The following XDH variants were observed in gnomAD, a reference collection of about 807,000 sequenced individuals.
XDH encodes the protein xanthine dehydrogenase.
A neutral mutation model predicts 156.1 loss-of-function variants in XDH; 138 were observed. The ratio of observed to expected loss-of-function variants is 0.88; its 90% confidence interval spans 0.77 to 1.02. The LOEUF (loss-of-function observed/expected upper bound fraction) is 1.02. Among genes scored for constraint, XDH ranks in the 50% least tolerant of loss-of-function variants. XDH has a pLI of 0.00. For synonymous variants in XDH, 669 were observed against 625.7 expected (o/e 1.07, Z -1.03); for missense variants, 1,849 against 1,684.9 (o/e 1.10, Z -1.71).
At chr2:31,405,094 T>C (rs1687159713) in intron 2 of XDH, among the ~76,000 whole-genome samples, 1 of 152,162 alleles carries the variant, frequency 6.6e-6, no homozygotes, top group Non-Finnish European at 1.5e-5. Flanking sequence ...TCCATCACTA[T>C]TTCCCCAGAA....
chr2:31,405,817 C>T (rs979558453), intron 2 of XDH, 90 bp downstream of exon 2: 13 of 1,498,880 alleles, frequency 8.7e-6, no homozygotes, highest in Non-Finnish European at 1.0e-5. Context: ...TCAAGGCCAC[C>T]CCACCAGTCA....
intron 13 of XDH, among the ~76,000 whole-genome samples, chr2:31,378,287 A>C (rs1686332565): frequency 1.3e-5 from 2 of 152,092 alleles, no homozygotes. Context: ...CCTGGGTTCG[A>C]GCCAGGATCT....
chr2:31,343,487 A>G (rs916181898), intron 31 of XDH, among the ~76,000 whole-genome samples: 3 of 128,324 alleles, frequency 2.3e-5, no homozygotes, highest in African/African-American at 9.4e-5. Context: ...ATACATATAT[A>G]TGCCTTATAT....
intron 31 of XDH, among the ~76,000 whole-genome samples, chr2:31,343,320 A>ATATATATGCATGTTTATATATATG (rs1685183751): frequency 1.7e-5 from 2 of 117,066 alleles, no homozygotes; most frequent in African/African-American, 5.8e-5. Flanking sequence ...ATATATATAT[A>ATATATATGCATGTTTATATATATG]TATATATGCA....
chr2:31,398,537 C>G (rs1396928272), intron 5 of XDH, 36 bp downstream of exon 5: 1 of 1,613,062 alleles, frequency 6.2e-7, no homozygotes, highest in Non-Finnish European at 8.5e-7. Context: ...CCTCGTTTGC[C>G]ATTCCACCTC....
chr2:31,380,819 G>T (rs1686417459), intron 12 of XDH, among the ~76,000 whole-genome samples: 1 of 152,168 alleles, frequency 6.6e-6, no homozygotes, highest in Admixed American at 6.5e-5. Context: ...TGACAAGGCA[G>T]AGATGCACTG....
At position 31,387,897 on chromosome 2, in the gene XDH, C is replaced by G. The variant is rs1364373668; in HGVS notation, c.565G>C (p.Val189Leu). ...CCMNQKKDHS[V>L]SLSPSLFKPE... is the part of the protein sequence containing the mutation. ...TTGAATAAAGATGGCGAGAGGCTGA[C>G]CTATGGGGAAAGAGAACAGGTAGGT... The change falls in exon 8 of 36, where the codon GTC becomes CTC. Residue 189 changes from valine to leucine, a missense_variant and splice_region_variant. Physicochemically the swap from Val to Leu is conservative, Grantham distance 32 (BLOSUM62 1). Coordinates refer to ENST00000379416, the MANE Select transcript of XDH (RefSeq NM_000379.4). 6.3e-7 allele frequency: 1 copy of G among 1,577,406 alleles called. No individual in the cohort carries two copies. Among genetic ancestry groups the G allele is most frequent in the Non-Finnish European group, 8.6e-7 (1 of 1,161,634 alleles).
At position 31,334,705 on chromosome 2, in the gene XDH, C is replaced by G. The variant is rs1430336804; in HGVS notation, c.*1253G>C. On this transcript the variant is annotated 3_prime_UTR_variant, in exon 36 of 36. Coordinates refer to ENST00000379416, the MANE Select transcript of XDH (RefSeq NM_000379.4). ...TTTAAAGCAGAAGACGTGAGACAACCCTTTACTGCAACCCTTATGTTTGCA... is the reference window on the plus strand; with the variant it reads ...TTTAAAGCAGAAGACGTGAGACAACGCTTTACTGCAACCCTTATGTTTGCA... The G allele has an allele frequency of 1.3e-5, 2 of 152,042 alleles. No homozygotes were observed. Among genetic ancestry groups the G allele is most frequent in the Non-Finnish European group, 2.9e-5 (2 of 68,016 alleles). The allele number at this position is 152,042 out of a possible 1,614,324, so 9.4% of individuals were successfully genotyped here.
rs1411212380 is a variant in XDH, at chr2:31,383,048, G to A, written c.991C>T (p.Leu331=). The change falls in exon 11 of 36, where the codon CTG becomes TTG. Residue 331 remains leucine (L), a synonymous_variant. Transcript: ENST00000379416. Reference sequence around the variant, plus strand: ...CCAGCAAACCAGCGCAGCTGCTCCAGGACCCCTCTGAACACCTCTGTCTTT... The same window carrying A: ...CCAGCAAACCAGCGCAGCTGCTCCAAGACCCCTCTGAACACCTCTGTCTTT... The part of the protein sequence containing the change: ...AQKTEVFRGV[L]EQLRWFAGKQ... 4 of 1,614,058 alleles carry A rather than the reference G, an allele frequency of 2.5e-6. No homozygotes were observed. The South Asian group carries it at 4.4e-5, about 18-fold the overall frequency.
chr2:31,386,380 CT>C lies in XDH; in HGVS notation c.793+33del, dbSNP rs777343248. Reference sequence around the variant, plus strand: ...GGACCTAGAAACACCCCCAGACCCCCTGGCAGCCCCAGGGCAGCCTCCCTGG... The same window carrying C: ...GGACCTAGAAACACCCCCAGACCCCCGGCAGCCCCAGGGCAGCCTCCCTGG... On this transcript the variant is annotated intron_variant, in intron 9 of 35. Transcript: ENST00000379416. 1.9e-6 allele frequency: 3 copies of C among 1,608,348 alleles called. No individual in the cohort carries two copies. The African/African-American group carries it at 4.0e-5, about 21-fold the overall frequency.
chr2:31,348,421 TTGGGACCAAAGGTA>T, intron 27 of XDH, 58 bp from the exon 28 acceptor site: 1 of 1,552,976 alleles, frequency 6.4e-7, no homozygotes, highest in Non-Finnish European at 8.8e-7. Flanking sequence ...TCATTAAGGT[TTGGGACCAAAGGTA>T]TGGAGCCCAG....
At chr2:31,364,898 A>G (rs900948574) in intron 23 of XDH, among the ~76,000 whole-genome samples, 1 of 152,184 alleles carries the variant, frequency 6.6e-6, no homozygotes, top group African/African-American at 2.4e-5. Flanking sequence ...AGGTTTCTAG[A>G]GCTAGGCGGA....
In XDH at chr2:31,372,320, A is replaced by G. The variant is rs765709134; in HGVS notation, c.1764T>C (p.Ser588=). ...TGTCGTCACAGTACACGGCCTCACC[A>G]GAGGCCTGCATGTCCGCTGCCAGGT... ...LPHLAADMQA[S]GEAVYCDDIP... The change falls in exon 17 of 36, where the codon TCT becomes TCC. Residue 588 remains serine, a synonymous_variant. Transcript: ENST00000379416. 1 of 1,614,188 alleles carries G rather than the reference A, an allele frequency of 6.2e-7. No homozygotes were observed.
At chr2:31,409,377 C>T (rs1192996144) in intron 1 of XDH, among the ~76,000 whole-genome samples, 3 of 152,114 alleles carry the variant, frequency 2.0e-5, no homozygotes, top group African/African-American at 7.2e-5. Flanking sequence ...CATTGCATGC[C>T]TATATCAAAG....
chr2:31,361,932 T>C (rs1685790619), intron 24 of XDH, among the ~76,000 whole-genome samples: 1 of 152,196 alleles, frequency 6.6e-6, no homozygotes, highest in Non-Finnish European at 1.5e-5. Context: ...TGTGTGAATT[T>C]AATGGTAATT....
chr2:31,383,236 G>A (rs1686489656), intron 10 of XDH, 84 bp from the exon 11 acceptor site: 1 of 1,597,054 alleles, frequency 6.3e-7, no homozygotes, highest in Non-Finnish European at 8.6e-7. Flanking sequence ...AAGCTTTCCA[G>A]CAACTGGAGC....
At chr2:31,365,161 A>G (rs889962095) in intron 23 of XDH, among the ~76,000 whole-genome samples, 2 of 152,160 alleles carry the variant, frequency 1.3e-5, no homozygotes, top group African/African-American at 4.8e-5. Flanking sequence ...ACCAAGCGCG[A>G]TGGTTTACCC....
intron 4 of XDH, among the ~76,000 whole-genome samples, chr2:31,400,654 C>A (rs1687032819): frequency 6.6e-6 from 1 of 152,228 alleles, no homozygotes; most frequent in Non-Finnish European, 1.5e-5. Context: ...TTCAGGTGGT[C>A]TGATACCATC....
chr2:31,405,201 T>A (rs1687162544), intron 2 of XDH, among the ~76,000 whole-genome samples: 2 of 148,316 alleles, frequency 1.3e-5, no homozygotes. Context: ...CTGTGGAGAT[T>A]GAGGTGAGCT....
Sources: allele counts gnomAD v4.1 joint callset (sites outside exome capture counted in the v4.1 genomes callset), GRCh38; gene constraint gnomAD v4.1.1; transcripts MANE v1.5; gene names NCBI Gene and HGNC (gene_info 2026-07-23, HGNC 2026-07-21).